Variants in DUOXA2 observed in about 807,000 individuals in gnomAD.
DUOXA2 encodes dual oxidase maturation factor 2.
Under a neutral mutation model 27.6 loss-of-function variants are expected in DUOXA2, and 22 were observed. The observed-to-expected ratio is 0.80, with a 90% confidence interval of 0.57 to 1.14. The LOEUF is 1.14. Ranked by LOEUF, DUOXA2 falls within the 50% of genes most tolerant of loss-of-function variation. The pLI is 0.00. For synonymous variants in DUOXA2, 188 were observed against 184.4 expected (o/e 1.02, Z -0.16); for missense variants, 481 against 419.9 (o/e 1.15, Z -1.27).
rs1394816245 is a variant in DUOXA2, at chr15:45,115,813, G to A, written c.162G>A (p.Leu54=). The A allele has an allele frequency of 1.9e-6, 3 of 1,614,000 alleles. No individual in the cohort carries two copies. The highest frequency in any genetic ancestry group is 1.1e-5 in the South Asian group (1 of 91,082). ...GIRGHSRWFW[L]VRVLLSLFIG... ...TATTCCTGCAGCGCTGGTTTTGGTT[G>A]GTGAGAGTTCTTCTCAGTCTGTTCA... is the stretch of plus-strand genomic sequence containing the variant. The change falls in exon 2 of 6, where the codon TTG becomes TTA. Residue 54 remains leucine, a synonymous_variant. Coordinates refer to ENST00000323030, the MANE Select transcript of DUOXA2 (RefSeq NM_207581.4).
chr15:45,117,361 G>T, intron 5 of DUOXA2, 56 bp downstream of exon 5: 1 of 1,518,936 alleles, frequency 6.6e-7, no homozygotes, highest in South Asian at 1.3e-5. Flanking sequence ...GATTCACACC[G>T]GGTGTGCACT....
chr15:45,116,089 C>A, intron 2 of DUOXA2, 35 bp from the exon 3 acceptor site: 1 of 1,612,212 alleles, frequency 6.2e-7, no homozygotes, highest in South Asian at 1.1e-5. Flanking sequence ...TTTTCCCACC[C>A]TCATCCCACC....
rs1894816405 is a variant in DUOXA2, at chr15:45,118,202, A to G, written c.*293A>G. The G allele has an allele frequency of 7.0e-7, 1 of 1,422,528 alleles. No individual in the cohort carries two copies. Among genetic ancestry groups the G allele is most frequent in the African/African-American group, 1.4e-5 (1 of 69,492 alleles). The allele number at this position is 1,422,528 out of a possible 1,614,324, so 88.1% of individuals were successfully genotyped here. On this transcript the variant is annotated 3_prime_UTR_variant, in exon 6 of 6. Transcript: ENST00000323030. ...GGAGACAGCCTAGTACACTCTCCGCAGTGCTGTGAAACCTGATTCTCTGCG... is the reference window on the plus strand; with the variant it reads ...GGAGACAGCCTAGTACACTCTCCGCGGTGCTGTGAAACCTGATTCTCTGCG...
chr15:45,117,218 T>C lies in DUOXA2; in HGVS notation c.682T>C (p.Ser228Pro). 2 of 1,610,074 alleles carry C rather than the reference T, an allele frequency of 1.2e-6. No individual in the cohort carries two copies. Among genetic ancestry groups the C allele is most frequent in the East Asian group, 2.2e-5 (1 of 44,866 alleles). The change falls in exon 5 of 6, where the codon TCT (serine) becomes CCT (proline). Residue 228 changes from serine (S) to proline (P), a missense_variant. Physicochemically the swap from Ser to Pro is moderately conservative, Grantham distance 74. Coordinates refer to ENST00000323030, the MANE Select transcript of DUOXA2 (RefSeq NM_207581.4). ...LFGVFALASISSVPLCPLRLG... is the reference protein window; with the variant it reads ...LFGVFALASIPSVPLCPLRLG... ...CGGGGTCTTCGCCTTGGCCTCCATCTCTAGCGTGCCGCTCTGCCCGCTCCG... is the reference window on the plus strand; with the variant it reads ...CGGGGTCTTCGCCTTGGCCTCCATCCCTAGCGTGCCGCTCTGCCCGCTCCG...
At chr15:45,115,436 C>T (rs1175970156) in intron 1 of DUOXA2, 2 of 504,144 alleles carry the variant, frequency 4.0e-6, no homozygotes, top group South Asian at 1.5e-5. Flanking sequence ...GGAGGTGACC[C>T]CTGCGTGCCT....
chr15:45,115,729 G>T, intron 1 of DUOXA2, 70 bp from the exon 2 acceptor site: 1 of 1,573,782 alleles, frequency 6.4e-7, no homozygotes, highest in South Asian at 1.1e-5. Context: ...AGGTGAAGTG[G>T]GGTCAAGGGT....
intron 1 of DUOXA2, 27 bp downstream of exon 1, chr15:45,114,779 G>C: frequency 6.2e-7 from 1 of 1,614,150 alleles, no homozygotes; most frequent in Non-Finnish European, 8.5e-7. Flanking sequence ...AGTGCAGGTA[G>C]AGTGGGGGAA....
Position 45,117,767 on chromosome 15 carries a change from G to C in DUOXA2, c.821G>C (p.Arg274Pro), listed in dbSNP as rs750438741. 8.7e-6 allele frequency: 14 copies of C among 1,613,772 alleles called. No homozygotes were observed. Among genetic ancestry groups the C allele is most frequent in the Non-Finnish European group, 1.2e-5 (14 of 1,179,876 alleles). Residue 274 changes from arginine (R) to proline (P), a missense_variant, in exon 6 of 6, where the codon CGG (arginine) becomes CCG (proline). By Grantham distance (103) the Arg-to-Pro change is moderately radical. Coordinates refer to ENST00000323030, the MANE Select transcript of DUOXA2 (RefSeq NM_207581.4). The part of the protein sequence containing the change: ...GGAVVSLQYV[R>P]PSALRTLLDQ... ...GCCGTGGTGAGTCTCCAGTATGTTC[G>C]GCCCAGCGCTCTTCGCACCCTTCTG...
In DUOXA2 at chr15:45,114,463, G is replaced by A. The variant is rs943845285; in HGVS notation, c.-143G>A. On this transcript the variant is annotated 5_prime_UTR_variant, in exon 1 of 6. The change creates a new upstream start codon in the 5' untranslated region. Transcript: ENST00000323030. The stretch of plus-strand genomic sequence containing the variant: ...ACCTCCACGCTTCCTTAACGGAGAG[G>A]TGCAGGACTCAGACTTCACCAGCCC... 3.6e-6 allele frequency: 4 copies of A among 1,109,608 alleles called. No homozygotes were observed. The highest frequency in any genetic ancestry group is 3.9e-6 in the Non-Finnish European group (3 of 764,390). 68.7% of individuals were successfully genotyped at this position (1,109,608 alleles called of 1,614,324 possible).
chr15:45,116,373 C>T (rs1894629848), intron 3 of DUOXA2, 115 bp downstream of exon 3: 3 of 1,565,896 alleles, frequency 1.9e-6, no homozygotes. Context: ...AGCTTGTGGT[C>T]CTCGTGGATT....
At chr15:45,115,689 T>C in intron 1 of DUOXA2, 110 bp from the exon 2 acceptor site, 1 of 1,303,648 alleles carries the variant, frequency 7.7e-7, no homozygotes, top group Non-Finnish European at 1.1e-6. Flanking sequence ...CTAACATTAG[T>C]CTCAAAAGTC....
chr15:45,114,654 G>A lies in DUOXA2; in HGVS notation c.49G>A (p.Ala17Thr). The A allele has an allele frequency of 6.2e-7, 1 of 1,614,258 alleles. No individual in the cohort carries two copies. The highest frequency in any genetic ancestry group is 8.5e-7 in the Non-Finnish European group (1 of 1,180,044). The change falls in exon 1 of 6, where the codon GCC (alanine) becomes ACC (threonine). Residue 17 changes from alanine to threonine, a missense_variant. Ala to Thr is a moderately conservative substitution (Grantham distance 58, BLOSUM62 0). Transcript: ENST00000323030. ...VLPFYPQPRH[A>T]AGFSVPLLIV... ...GCCTTTTTACCCCCAGCCCCGGCAT[G>A]CCGCAGGCTTCAGCGTTCCACTGCT...
At position 45,118,352 on chromosome 15, in the gene DUOXA2, C is replaced by G. The variant is rs575896765; in HGVS notation, c.*443C>G. The G allele has an allele frequency of 4.8e-5, 56 of 1,163,104 alleles. No individual in the cohort carries two copies. The highest frequency in any genetic ancestry group is 5.4e-5 in the Non-Finnish European group (51 of 941,966). 72.0% of individuals were successfully genotyped at this position (1,163,104 alleles called of 1,614,324 possible). A position where few individuals can be genotyped will look rare whatever the true frequency, so the allele number is the denominator to read the frequency against. ...TGATGAGGCAGGTCACCCACTCCCC[C>G]GTCCTGGATGCCACTCAGCTAGCCC... On this transcript the variant is annotated 3_prime_UTR_variant, in exon 6 of 6. Transcript: ENST00000323030.
chr15:45,114,901 A>T, intron 1 of DUOXA2, 149 bp downstream of exon 1: 1 of 1,206,888 alleles, frequency 8.3e-7, no homozygotes, highest in Non-Finnish European at 1.2e-6. Flanking sequence ...AGTCTGGTGC[A>T]GCAAGCACCC....
chr15:45,115,991 T>A, intron 2 of DUOXA2, 133 bp from the exon 3 acceptor site: 1 of 1,584,124 alleles, frequency 6.3e-7, no homozygotes, highest in Non-Finnish European at 8.7e-7. Context: ...TAGGGCCCAC[T>A]TTTTGGCCCT....
Position 45,114,425 on chromosome 15 carries a change from T to G in DUOXA2, c.-181T>G. 1 of 753,484 alleles carries G rather than the reference T, an allele frequency of 1.3e-6. No individual in the cohort carries two copies. The highest frequency in any genetic ancestry group is 2.2e-6 in the Non-Finnish European group (1 of 459,902). The allele number at this position is 753,484 out of a possible 1,614,324, so 46.7% of individuals were successfully genotyped here. ...CTCTGTCGGTACCAACCCCAGAGCG[T>G]TGAGAGCAGCCCACCTCCACGCTTC... On this transcript the variant is annotated 5_prime_UTR_variant, in exon 1 of 6. Transcript: ENST00000323030.
chr15:45,115,662 T>A lies in DUOXA2; in HGVS notation c.148-137T>A, dbSNP rs1033158603. On this transcript the variant is annotated intron_variant, in intron 1 of 5. Coordinates refer to ENST00000323030, the MANE Select transcript of DUOXA2 (RefSeq NM_207581.4). ...AGAAATGCCAGTAGCCCAGAGGGAC[T>A]TGCAGGAAAAGCGTGCCTAACATTA... is the stretch of plus-strand genomic sequence containing the variant. 3 of 1,033,118 alleles carry A rather than the reference T, an allele frequency of 2.9e-6. No individual in the cohort carries two copies. In the African/African-American group the frequency reaches 4.8e-5, roughly 16 times the overall value. 64.0% of individuals were successfully genotyped at this position (1,033,118 alleles called of 1,614,324 possible).
At chr15:45,116,361 A>C (rs1566981591) in intron 3 of DUOXA2, 103 bp downstream of exon 3, 1 of 1,563,558 alleles carries the variant, frequency 6.4e-7, no homozygotes, top group South Asian at 1.1e-5. Context: ...ACAAGCTCAA[A>C]TAGCTTGTGG....
chr15:45,114,554 AG>A lies in DUOXA2; in HGVS notation c.-51del. On this transcript the variant is annotated 5_prime_UTR_variant, in exon 1 of 6. Transcript: ENST00000323030. ...CGCTCTCCCGCGTCCAGGCAGCCCCAGCTTGCTGGCTTGCCTGCCCGCCTGC... is the reference window on the plus strand; with the variant it reads ...CGCTCTCCCGCGTCCAGGCAGCCCCACTTGCTGGCTTGCCTGCCCGCCTGC... 3 of 1,610,372 alleles carry A rather than the reference AG, an allele frequency of 1.9e-6. No homozygotes were observed. The highest frequency in any genetic ancestry group is 1.7e-6 in the Non-Finnish European group (2 of 1,179,106).
Sources: gnomAD v4.1 joint callset for allele counts on GRCh38, gnomAD v4.1.1 for gene constraint, MANE v1.5 for transcripts, NCBI Gene and HGNC (gene_info 2026-07-23, HGNC 2026-07-21) for gene names.